DNER: variants seen among roughly 807,000 people sequenced by gnomAD.
DNER encodes delta and Notch-like epidermal growth factor-related receptor.
A neutral mutation model predicts 78.2 loss-of-function variants in DNER; 33 were observed. The ratio of observed to expected loss-of-function variants is 0.42; its 90% CI spans 0.32 to 0.56. The LOEUF (loss-of-function observed/expected upper bound fraction) is 0.56. Ranked by LOEUF, DNER falls within the 20% of genes least tolerant of loss-of-function variation. The probability of loss-of-function intolerance (pLI) is 0.11; values close to 1 mark genes in which losing one functional copy is unlikely to be tolerated. For synonymous variants in DNER, 417 were observed against 384.8 expected, an observed-to-expected ratio of 1.08 and a Z score of -0.98; for missense variants, 918 against 975.3, an observed-to-expected ratio of 0.94 and a Z score of 0.78.
At chr2:229,540,556 AGT>A (rs1457015343) in intron 5 of DNER, among the ~76,000 whole-genome samples, 3 of 152,222 alleles carry the variant, frequency 2.0e-5, no homozygotes, top group Admixed American at 6.5e-5. Flanking sequence ...GAACAAGGAC[AGT>A]GGGTATTATC....
intron 1 of DNER, among the ~76,000 whole-genome samples, chr2:229,593,143 T>C (rs1697639053): frequency 6.6e-6 from 1 of 152,230 alleles, no homozygotes; most frequent in Non-Finnish European, 1.5e-5. Flanking sequence ...AATATTTAAA[T>C]TGTCAATAAT....
chr2:229,537,718 T>C (rs1178555382), intron 5 of DNER, among the ~76,000 whole-genome samples: 2 of 152,208 alleles, frequency 1.3e-5, no homozygotes, highest in African/African-American at 4.8e-5. Flanking sequence ...AAGATGTCTA[T>C]CCTTTGGGAG....
intron 4 of DNER, among the ~76,000 whole-genome samples, chr2:229,576,673 T>G (rs1697308139): frequency 6.6e-6 from 1 of 152,162 alleles, no homozygotes; most frequent in Non-Finnish European, 1.5e-5. Context: ...AACATTCTGA[T>G]GCTACTTTGT....
chr2:229,556,091 A>G (rs1176524862), intron 4 of DNER, among the ~76,000 whole-genome samples: 1 of 152,238 alleles, frequency 6.6e-6, no homozygotes. Context: ...TTAAAGTCCT[A>G]TTTAACTATT....
At chr2:229,475,609 G>A (rs188863024) in intron 7 of DNER, among the ~76,000 whole-genome samples, 2 of 152,274 alleles carry the variant, frequency 1.3e-5, no homozygotes, top group East Asian at 1.9e-4. Flanking sequence ...CCTGGTATAC[G>A]TAAAGTGCTC....
At chr2:229,526,637 G>A (rs149884577) in intron 5 of DNER, among the ~76,000 whole-genome samples, 121 of 152,352 alleles carry the variant, frequency 7.9e-4, no homozygotes, top group African/African-American at 2.7e-3. Context: ...AACAGGGTTT[G>A]CGCTCCTATG....
intron 1 of DNER, among the ~76,000 whole-genome samples, chr2:229,625,370 C>T (rs562802752): frequency 6.6e-6 from 1 of 152,292 alleles, no homozygotes; most frequent in African/African-American, 2.4e-5. Context: ...CACTCCCTTA[C>T]TGCCACCTTC....
chr2:229,584,478 G>T (rs906805379), intron 4 of DNER, among the ~76,000 whole-genome samples: 6 of 152,126 alleles, frequency 3.9e-5, no homozygotes, highest in African/African-American at 1.4e-4. Flanking sequence ...AACCCCAAAG[G>T]TACTATATGC....
chr2:229,676,777 G>A (rs1699307845), intron 1 of DNER, among the ~76,000 whole-genome samples: 2 of 152,090 alleles, frequency 1.3e-5, no homozygotes, highest in African/African-American at 4.8e-5. Flanking sequence ...TCACGGTAAG[G>A]GTGGACTTGA....
At chr2:229,699,965 G>A (rs918946615) in intron 1 of DNER, among the ~76,000 whole-genome samples, 1 of 151,860 alleles carries the variant, frequency 6.6e-6, no homozygotes, top group African/African-American at 2.4e-5. Context: ...AAAGGACAAA[G>A]GGCGAATTTA....
rs779146934 is a variant in DNER, at chr2:229,418,123, G to A, written c.1594C>T (p.Leu532=). The change falls in exon 9 of 13, where the codon CTG becomes TTG. Residue 532 remains leucine (L), a synonymous_variant. Transcript: ENST00000341772. ...DLVNGYECVC[L]AEYKGTHCEL... is the part of the protein sequence containing the mutation. ...GGCCTCTCACCTTTGTATTCTGCCA[G>A]GCACACACACTCATAGCCATTAACG... The A allele has an allele frequency of 6.2e-7, 1 of 1,614,160 alleles. No homozygotes were observed.
At chr2:229,489,979 G>A (rs1232259317) in intron 6 of DNER, among the ~76,000 whole-genome samples, 2 of 152,094 alleles carry the variant, frequency 1.3e-5, no homozygotes, top group South Asian at 4.2e-4. Flanking sequence ...GGAAGAGAGA[G>A]TGGAAGAGAA....
chr2:229,501,508 T>C (rs1695623552), intron 6 of DNER, among the ~76,000 whole-genome samples: 1 of 152,110 alleles, frequency 6.6e-6, no homozygotes, highest in South Asian at 2.1e-4. Context: ...AATTTGGAGC[T>C]GCAGATTCTT....
At chr2:229,416,018 C>A (rs1269329574) in intron 9 of DNER, among the ~76,000 whole-genome samples, 1 of 152,234 alleles carries the variant, frequency 6.6e-6, no homozygotes, top group East Asian at 1.9e-4. Flanking sequence ...TGAGCCCATT[C>A]TATTTGAAAA....
At chr2:229,362,023 C>G (rs1021447795) in intron 12 of DNER, among the ~76,000 whole-genome samples, 18 of 152,108 alleles carry the variant, frequency 1.2e-4, no homozygotes, top group African/African-American at 4.3e-4. Context: ...TGCTGATGGT[C>G]CATGAGGAAG....
At chr2:229,683,678 T>A (rs1444089395) in intron 1 of DNER, among the ~76,000 whole-genome samples, 2 of 152,162 alleles carry the variant, frequency 1.3e-5, no homozygotes, top group Non-Finnish European at 2.9e-5. Flanking sequence ...ACAATAATGA[T>A]CATGATGGCG....
At chr2:229,510,029 A>T (rs1429927506) in intron 6 of DNER, among the ~76,000 whole-genome samples, 1 of 152,136 alleles carries the variant, frequency 6.6e-6, no homozygotes, top group East Asian at 1.9e-4. Context: ...GAGATCTGGG[A>T]GTAGTTACCC....
intron 1 of DNER, among the ~76,000 whole-genome samples, chr2:229,640,635 C>T (rs114816219): frequency 3.9e-4 from 59 of 152,320 alleles, no homozygotes; most frequent in African/African-American, 1.0e-3. Flanking sequence ...ACATGTTCTA[C>T]GCGTCTGAGG....
intron 7 of DNER, among the ~76,000 whole-genome samples, chr2:229,457,960 A>AC (rs1694611496): frequency 6.6e-6 from 1 of 151,438 alleles, no homozygotes; most frequent in Non-Finnish European, 1.5e-5. Context: ...ATGTGGTGAA[A>AC]CCCTGTCTCT....
Sources: allele counts gnomAD v4.1 joint callset (sites outside exome capture counted in the v4.1 genomes callset), GRCh38; gene constraint gnomAD v4.1.1; transcripts MANE v1.5; gene names NCBI Gene and HGNC (gene_info 2026-07-23, HGNC 2026-07-21).